Variants in ACKR3 observed in about 807,000 individuals in gnomAD.
ACKR3 encodes the protein atypical chemokine receptor 3, also known as C-X-C chemokine receptor type 7.
Under a neutral mutation model 22.4 loss-of-function variants are expected in ACKR3, and 6 were observed. The ratio of observed to expected loss-of-function variants is 0.27; its 90% CI spans 0.15 to 0.53. The LOEUF (loss-of-function observed/expected upper bound fraction) is 0.53. Among genes scored for constraint, ACKR3 ranks in the 20% least tolerant of loss-of-function variants. ACKR3 has a pLI of 0.96. For synonymous variants in ACKR3, 209 were observed against 205.2 expected (o/e 1.02, Z -0.16); for missense variants, 396 against 475.2 (o/e 0.83, Z 1.55).
In ACKR3 at chr2:236,580,546, C is replaced by T. The variant is rs767699327; in HGVS notation, c.81C>T (p.Ile27=). Residue 27 remains isoleucine (I), a synonymous_variant, in exon 2 of 2, where the codon ATC becomes ATT. Coordinates refer to ENST00000272928, the MANE Select transcript of ACKR3 (RefSeq NM_020311.3). ...GGCCATGCAACAGCAGCGACTGCAT[C>T]GTGGTGGACACGGTGATGTGTCCCA... ...ISWPCNSSDC[I]VVDTVMCPNM... The T allele has an allele frequency of 2.0e-5, 32 of 1,614,122 alleles. No homozygotes were observed. The highest frequency in any genetic ancestry group is 4.5e-5 in the East Asian group (2 of 44,894).
chr2:236,546,228 G>A, the ACKR3 span, among the ~76,000 whole-genome samples: 1 of 152,152 alleles, frequency 6.6e-6, no homozygotes, highest in African/African-American at 2.4e-5. The surrounding 1 kb of genome is among the most constrained non-coding windows in gnomAD (Gnocchi z 4.9). Context: ...TAGGCACAAT[G>A]GGTACTTTGA....
At chr2:236,540,973 A>C in the ACKR3 span, among the ~76,000 whole-genome samples, 1 of 152,216 alleles carries the variant, frequency 6.6e-6, no homozygotes, top group South Asian at 2.1e-4. Flanking sequence ...CCAAGCCAAG[A>C]CAACTGGGGA....
chr2:236,576,049 G>C (rs79591264), intron 1 of ACKR3, among the ~76,000 whole-genome samples: 7,439 of 152,250 alleles, frequency 0.049, 257 homozygotes, highest in South Asian at 0.1. Context: ...GTCAGAAGTG[G>C]GTCTCATTCC....
chr2:236,538,622 C>T, the ACKR3 span, among the ~76,000 whole-genome samples: 3 of 152,168 alleles, frequency 2.0e-5, no homozygotes, highest in Non-Finnish European at 4.4e-5. Context: ...GGGGTAAGAC[C>T]AAGTCTAGTG....
At chr2:236,544,277 C>T in the ACKR3 span, among the ~76,000 whole-genome samples, 62 of 152,040 alleles carry the variant, frequency 4.1e-4, 1 homozygote, top group Non-Finnish European at 7.6e-4. The surrounding 1 kb of genome is among the most constrained non-coding windows in gnomAD (Gnocchi z 5.0). Context: ...CGTGAGCCAC[C>T]GCGCCCGGAG....
At chr2:236,539,010 G>A in the ACKR3 span, among the ~76,000 whole-genome samples, 57 of 152,246 alleles carry the variant, frequency 3.7e-4, no homozygotes, top group African/African-American at 1.0e-3. Context: ...TCATGTAGCT[G>A]GAATGATGCA....
upstream of ACKR3, among the ~76,000 whole-genome samples, chr2:236,564,744 G>A (rs1394251257): frequency 1.3e-5 from 2 of 152,120 alleles, no homozygotes; most frequent in Non-Finnish European, 2.9e-5. Flanking sequence ...TTTCTTTTAA[G>A]AATATATTTT....
chr2:236,565,639 G>A (rs866393123), upstream of ACKR3, among the ~76,000 whole-genome samples: 3 of 152,160 alleles, frequency 2.0e-5, no homozygotes, highest in African/African-American at 4.8e-5. Flanking sequence ...CCTGTGCTGC[G>A]TGAAGTTTGT....
chr2:236,575,475 T>C (rs1691391019), intron 1 of ACKR3, among the ~76,000 whole-genome samples: 1 of 145,346 alleles, frequency 6.9e-6, no homozygotes, highest in African/African-American at 2.6e-5. Context: ...GTGCTGTGTG[T>C]GCGTGTGTCT....
the ACKR3 span, among the ~76,000 whole-genome samples, chr2:236,539,800 T>A: frequency 6.6e-6 from 1 of 152,348 alleles, no homozygotes; most frequent in South Asian, 2.1e-4. Context: ...CTCACAGTTC[T>A]ACATGGCTGG....
chr2:236,568,069 A>G (rs1053393578), upstream of ACKR3, among the ~76,000 whole-genome samples: 1 of 152,168 alleles, frequency 6.6e-6, no homozygotes, highest in Admixed American at 6.5e-5. Context: ...TCTACTTTTT[A>G]AAAAAACTGC....
upstream of ACKR3, among the ~76,000 whole-genome samples, chr2:236,569,058 A>G (rs116794861): frequency 6.3e-3 from 965 of 152,328 alleles, 8 homozygotes; most frequent in African/African-American, 0.018. Context: ...AGCAATACGC[A>G]TCCAAATAAG....
At chr2:236,572,732 A>G (rs1204521898) in intron 1 of ACKR3, among the ~76,000 whole-genome samples, 1 of 152,216 alleles carries the variant, frequency 6.6e-6, no homozygotes, top group Non-Finnish European at 1.5e-5. Flanking sequence ...TCTTGTGGGT[A>G]TAGCTTTGCT....
the ACKR3 span, among the ~76,000 whole-genome samples, chr2:236,552,079 G>C: frequency 0.24 from 36,559 of 152,118 alleles, 6,405 homozygotes; most frequent in African/African-American, 0.5. Context: ...TTCTGCCTGG[G>C]TTTCCCATCC....
At chr2:236,547,552 C>A in the ACKR3 span, among the ~76,000 whole-genome samples, 1 of 152,140 alleles carries the variant, frequency 6.6e-6, no homozygotes, top group African/African-American at 2.4e-5. Context: ...GTAGTGGAAC[C>A]TTTTGAGAAG....
rs561364393 is a variant in ACKR3, at chr2:236,577,559, G to A, written c.-26-2881G>A. ...AAGGAAGGACACACTCGAGATGTGG[G>A]AACCAGGCGTCTTCTCACTGAGTGA... On this transcript the variant is annotated intron_variant, in intron 1 of 1. Transcript: ENST00000272928. This position sits in a 1 kb window ranked among gnomAD's most constrained non-coding sequence, Gnocchi z 5.6. Among the ~76,000 whole-genome samples, 1 of 152,202 alleles carries A rather than the reference G, an allele frequency of 6.6e-6. No homozygotes were observed. The highest frequency in any genetic ancestry group is 6.5e-5 in the Admixed American group (1 of 15,292).
In ACKR3 at chr2:236,574,031, T is replaced by G. The variant is rs10177953; in HGVS notation, c.-27+4107T>G. ...GAGTAGAAACCCCTCATTTTCCTGCTGAAGGGGCATGCACCACCTTGCTCA... is the reference window on the plus strand; with the variant it reads ...GAGTAGAAACCCCTCATTTTCCTGCGGAAGGGGCATGCACCACCTTGCTCA... On this transcript the variant is annotated intron_variant, in intron 1 of 1. Coordinates refer to ENST00000272928, the MANE Select transcript of ACKR3 (RefSeq NM_020311.3). The surrounding 1 kb of genome is among the most constrained non-coding windows in gnomAD (Gnocchi z 5.6). Among the ~76,000 whole-genome samples, 2 of 152,020 alleles carry G rather than the reference T, an allele frequency of 1.3e-5. No homozygotes were observed. Among genetic ancestry groups the G allele is most frequent in the African/African-American group, 4.8e-5 (2 of 41,358 alleles).
chr2:236,581,632 G>A lies in ACKR3; in HGVS notation c.*78G>A. On this transcript the variant is annotated 3_prime_UTR_variant, in exon 2 of 2. Coordinates refer to ENST00000272928, the MANE Select transcript of ACKR3 (RefSeq NM_020311.3). This position sits in a 1 kb window ranked among gnomAD's most constrained non-coding sequence, Gnocchi z 4.4. The stretch of plus-strand genomic sequence containing the variant: ...GGGCCCTATGGTTTTCTAGAGCAAA[G>A]CAAAGTAGCTTCGGGTCTTGATGCT... The A allele has an allele frequency of 6.6e-7, 1 of 1,520,906 alleles. No individual in the cohort carries two copies. The highest frequency in any genetic ancestry group is 8.8e-7 in the Non-Finnish European group (1 of 1,132,890). 94.2% of individuals were successfully genotyped at this position (1,520,906 alleles called of 1,614,324 possible).
chr2:236,581,453 T>G lies in ACKR3; in HGVS notation c.988T>G (p.Phe330Val). The G allele has an allele frequency of 6.8e-6, 11 of 1,614,196 alleles. No individual in the cohort carries two copies. The highest frequency in any genetic ancestry group is 9.3e-6 in the Non-Finnish European group (11 of 1,180,046). ...RNYRYELMKAFIFKYSAKTGL... is the reference protein window; with the variant it reads ...RNYRYELMKAVIFKYSAKTGL... ...CTACAGGTACGAGCTGATGAAGGCC[T>G]TCATCTTCAAGTACTCGGCCAAAAC... is the stretch of plus-strand genomic sequence containing the variant. The change falls in exon 2 of 2, where the codon TTC becomes GTC. Residue 330 changes from phenylalanine (F) to valine (V), a missense_variant. Transcript: ENST00000272928. This position sits in a 1 kb window ranked among gnomAD's most constrained non-coding sequence, Gnocchi z 4.4.
Sources: allele counts gnomAD v4.1 joint callset (sites outside exome capture counted in the v4.1 genomes callset), GRCh38; gene constraint gnomAD v4.1.1; non-coding constraint Gnocchi (gnomAD v3.1); transcripts MANE v1.5; gene names NCBI Gene and HGNC (gene_info 2026-07-23, HGNC 2026-07-21).